Variants in BBS9 observed in about 807,000 individuals in gnomAD.
BBS9 encodes the protein Bardet-Biedl syndrome 9, also known as protein PTHB1.
A neutral mutation model predicts 117.7 loss-of-function variants in BBS9; 89 were observed. The observed-to-expected ratio is 0.76, with a 90% confidence interval of 0.64 to 0.90. BBS9 has a LOEUF of 0.90. BBS9 is among the 40% of genes least tolerant of loss of function. BBS9 has a pLI of 0.00. For missense variants in BBS9, 982 were observed against 1,042.2 expected (o/e 0.94, Z 0.80); for synonymous variants, 379 against 370.9 (o/e 1.02, Z -0.25).
intron 19 of BBS9, among the ~76,000 whole-genome samples, chr7:33,463,656 A>G (rs1327972711): frequency 6.6e-6 from 1 of 152,114 alleles, no homozygotes; most frequent in Non-Finnish European, 1.5e-5. Flanking sequence ...TCGGGTTTAT[A>G]GCAACCAGAT....
At chr7:33,389,343 G>C (rs1826597567) in intron 19 of BBS9, among the ~76,000 whole-genome samples, 1 of 152,048 alleles carries the variant, frequency 6.6e-6, no homozygotes, top group Non-Finnish European at 1.5e-5. Context: ...TTTCCTAGGG[G>C]ACAGAAAAAT....
chr7:33,473,340 C>T (rs1395330520), intron 19 of BBS9, among the ~76,000 whole-genome samples: 18 of 150,508 alleles, frequency 1.2e-4, no homozygotes, highest in Non-Finnish European at 2.2e-4. Context: ...CCCCCCCGCC[C>T]CGAGGCAGAG....
intron 21 of BBS9, among the ~76,000 whole-genome samples, chr7:33,624,028 A>C (rs1865530322): frequency 6.6e-6 from 1 of 151,764 alleles, no homozygotes; most frequent in Non-Finnish European, 1.5e-5. Context: ...TTGACTGTTT[A>C]ATTTATTTTA....
chr7:33,138,615 T>C (rs1176933022), intron 1 of BBS9, among the ~76,000 whole-genome samples: 1 of 151,092 alleles, frequency 6.6e-6, no homozygotes, highest in Non-Finnish European at 1.5e-5. Context: ...GAAAAATTGA[T>C]AGAGCAGGAG....
chr7:33,572,277 T>A (rs1857934485), intron 21 of BBS9, among the ~76,000 whole-genome samples: 1 of 152,154 alleles, frequency 6.6e-6, no homozygotes, highest in African/African-American at 2.4e-5. Context: ...AGGAAAGGAT[T>A]TCATTCTTTT....
intron 4 of BBS9, among the ~76,000 whole-genome samples, chr7:33,164,371 G>T (rs1033526659): frequency 2.0e-5 from 3 of 152,140 alleles, no homozygotes; most frequent in Admixed American, 2.0e-4. Flanking sequence ...CTGAGTTCAA[G>T]TCCTGGATAT....
intron 21 of BBS9, among the ~76,000 whole-genome samples, chr7:33,534,837 C>G (rs1585162241): frequency 1.3e-5 from 2 of 152,274 alleles, no homozygotes; most frequent in East Asian, 3.9e-4. Context: ...CTGTTTCCCT[C>G]TTCCTAGCCT....
chr7:33,567,951 A>G (rs763434390), intron 21 of BBS9, among the ~76,000 whole-genome samples: 4 of 152,102 alleles, frequency 2.6e-5, no homozygotes, highest in Non-Finnish European at 5.9e-5. Context: ...TTAGGCCACC[A>G]CTATTGCTAC....
intron 21 of BBS9, among the ~76,000 whole-genome samples, chr7:33,578,637 A>G (rs1859351697): frequency 6.6e-6 from 1 of 152,198 alleles, no homozygotes; most frequent in African/African-American, 2.4e-5. Flanking sequence ...CTCACCTAGC[A>G]TAATCTCCCT....
chr7:33,391,894 G>A (rs940859424), intron 19 of BBS9, among the ~76,000 whole-genome samples: 6 of 152,042 alleles, frequency 3.9e-5, no homozygotes, highest in Non-Finnish European at 5.9e-5. Context: ...TTAAAAAAAC[G>A]TTTGTGTAGT....
intron 18 of BBS9, 123 bp from the exon 19 acceptor site, chr7:33,387,869 A>C: frequency 9.2e-7 from 1 of 1,090,936 alleles, no homozygotes; most frequent in Non-Finnish European, 1.4e-6. Context: ...TAATTCCCTT[A>C]ACTCTATAAT....
At chr7:33,212,741 C>A (rs1031158852) in intron 5 of BBS9, among the ~76,000 whole-genome samples, 1 of 152,200 alleles carries the variant, frequency 6.6e-6, no homozygotes, top group Non-Finnish European at 1.5e-5. Context: ...CACAATATCG[C>A]TGTGGTTTCT....
At chr7:33,225,943 G>A (rs891376283) in intron 5 of BBS9, among the ~76,000 whole-genome samples, 2 of 152,100 alleles carry the variant, frequency 1.3e-5, no homozygotes, top group Non-Finnish European at 2.9e-5. Context: ...GTACACATGT[G>A]TGTGCATATG....
At chr7:33,476,048 A>G (rs141825419) in intron 19 of BBS9, among the ~76,000 whole-genome samples, 98 of 152,328 alleles carry the variant, frequency 6.4e-4, no homozygotes, top group African/African-American at 2.3e-3. Context: ...TAAAGGTGAC[A>G]TCTGTATTTG....
At chr7:33,616,603 AAT>A (rs1865151248) in intron 21 of BBS9, among the ~76,000 whole-genome samples, 1 of 151,230 alleles carries the variant, frequency 6.6e-6, no homozygotes, top group South Asian at 2.1e-4. Context: ...TAGGAAAAAA[AAT>A]GGGGGGTGGG....
At chr7:33,334,431 G>T (rs977040050) in intron 9 of BBS9, among the ~76,000 whole-genome samples, 3 of 152,152 alleles carry the variant, frequency 2.0e-5, no homozygotes, top group Non-Finnish European at 2.9e-5. Flanking sequence ...CCCTAGAGTT[G>T]CCTGAGGACT....
chr7:33,471,218 TGGGATGG>T, intron 19 of BBS9, among the ~76,000 whole-genome samples: 1 of 152,302 alleles, frequency 6.6e-6, no homozygotes, highest in African/African-American at 2.4e-5. Flanking sequence ...ACAGTCATAG[TGGGATGG>T]GGGAAGAAAT....
At chr7:33,409,209 C>T (rs1375717886) in intron 19 of BBS9, among the ~76,000 whole-genome samples, 1 of 152,140 alleles carries the variant, frequency 6.6e-6, no homozygotes, top group Non-Finnish European at 1.5e-5. Context: ...TGTTTGAGGA[C>T]TTAGGCATAA....
chr7:33,346,403 T>C (rs1817604274), intron 12 of BBS9: 1 of 290,808 alleles, frequency 3.4e-6, no homozygotes, highest in Non-Finnish European at 6.9e-6. Context: ...CCTCTGGTGT[T>C]GTATTTATAT....
Sources: allele counts gnomAD v4.1 joint callset (sites outside exome capture counted in the v4.1 genomes callset), GRCh38; gene constraint gnomAD v4.1.1; transcripts MANE v1.5; gene names NCBI Gene and HGNC (gene_info 2026-07-23, HGNC 2026-07-21).